Variants in TYW1B observed in about 807,000 individuals in gnomAD.
TYW1B encodes the protein tRNA-yW synthesizing protein 1 homolog B.
In TYW1B, 73 loss-of-function variants were observed where a neutral mutation model predicts 86.9. The observed-to-expected ratio is 0.84, with a 90% CI of 0.70 to 1.02. The LOEUF is 1.02. Among genes scored for constraint, TYW1B ranks in the 50% least tolerant of loss-of-function variants. The probability of loss-of-function intolerance (pLI) is 0.00; values close to 1 mark genes in which losing one functional copy is unlikely to be tolerated. For synonymous variants in TYW1B, 248 were observed against 292.8 expected, an observed-to-expected ratio of 0.85 and a Z score of 1.56; for missense variants, 637 against 827.4, an observed-to-expected ratio of 0.77 and a Z score of 2.82.
At chr7:72,619,913 A>G (rs1812174441) in intron 12 of TYW1B, among the ~76,000 whole-genome samples, 1 of 152,194 alleles carries the variant, frequency 6.6e-6, no homozygotes, top group Admixed American at 6.5e-5. Context: ...TCGTGAGAAC[A>G]GCTTTTGAAA....
At chr7:72,609,985 A>T (rs1386631456) in intron 13 of TYW1B, among the ~76,000 whole-genome samples, 1 of 152,160 alleles carries the variant, frequency 6.6e-6, no homozygotes, top group Non-Finnish European at 1.5e-5. Context: ...GGTATCTTGA[A>T]TTTTAAAGAG....
intron 8 of TYW1B, among the ~76,000 whole-genome samples, chr7:72,730,955 G>T (rs1227315512): frequency 7.0e-6 from 1 of 142,380 alleles, no homozygotes; most frequent in Non-Finnish European, 1.5e-5. Flanking sequence ...AAGCCTCCTT[G>T]AGACACATTA....
chr7:72,723,114 C>G (rs2844092), intron 9 of TYW1B: 42 of 853,856 alleles, frequency 4.9e-5, no homozygotes, highest in East Asian at 2.6e-4. Context: ...CCTCTTGCCC[C>G]CTACCCCCAG....
intron 11 of TYW1B, among the ~76,000 whole-genome samples, chr7:72,680,433 A>G (rs1335140011): frequency 6.6e-6 from 1 of 152,082 alleles, no homozygotes; most frequent in Non-Finnish European, 1.5e-5. Flanking sequence ...TCGAACATCA[A>G]ACTCCAAGAT....
intron 13 of TYW1B, 46 bp from the exon 14 acceptor site, chr7:72,575,765 G>T (rs1427145886): frequency 7.7e-7 from 1 of 1,300,808 alleles, no homozygotes; most frequent in Non-Finnish European, 1.0e-6. Flanking sequence ...AACATCCCTA[G>T]AAAAAAAAAA....
intron 11 of TYW1B, among the ~76,000 whole-genome samples, chr7:72,664,233 T>C (rs1470521598): frequency 6.6e-6 from 1 of 152,190 alleles, no homozygotes; most frequent in Admixed American, 6.6e-5. Context: ...AATCTCCGAT[T>C]TGTCAAATAT....
intron 11 of TYW1B, among the ~76,000 whole-genome samples, chr7:72,658,824 G>A (rs1434319385): frequency 2.0e-5 from 3 of 152,072 alleles, no homozygotes; most frequent in African/African-American, 4.8e-5. Flanking sequence ...GTGTTCAAGC[G>A]ATTCTCCTGT....
intron 7 of TYW1B, among the ~76,000 whole-genome samples, chr7:72,762,991 A>C (rs1787710222): frequency 6.6e-6 from 1 of 151,836 alleles, no homozygotes; most frequent in Non-Finnish European, 1.5e-5. Flanking sequence ...ACATTTCTCT[A>C]TAATATAGTA....
intron 13 of TYW1B, among the ~76,000 whole-genome samples, chr7:72,579,198 A>C (rs1811092729): frequency 1.3e-5 from 2 of 152,172 alleles, no homozygotes; most frequent in Admixed American, 1.3e-4. Flanking sequence ...GCTGCAACTC[A>C]CAAAACCAAC....
chr7:72,719,104 G>A (rs1786844388), intron 9 of TYW1B, among the ~76,000 whole-genome samples: 1 of 151,942 alleles, frequency 6.6e-6, no homozygotes, highest in African/African-American at 2.4e-5. Context: ...AAACATGCTA[G>A]CTGCAAATAT....
intron 10 of TYW1B, among the ~76,000 whole-genome samples, chr7:72,702,396 A>C (rs1460184773): frequency 6.6e-6 from 1 of 151,632 alleles, no homozygotes; most frequent in Non-Finnish European, 1.5e-5. Flanking sequence ...TTTCTTTTTT[A>C]TTTTCTTTTG....
chr7:72,779,534 T>C (rs1554471290), intron 6 of TYW1B, among the ~76,000 whole-genome samples: 2 of 151,928 alleles, frequency 1.3e-5, no homozygotes, highest in Non-Finnish European at 2.9e-5. Context: ...CTGGCTAACA[T>C]GGTGAAACCC....
At chr7:72,647,943 C>T (rs1361279765) in intron 11 of TYW1B, among the ~76,000 whole-genome samples, 2 of 152,114 alleles carry the variant, frequency 1.3e-5, no homozygotes, top group African/African-American at 4.8e-5. Flanking sequence ...ACCTCGGCCT[C>T]CCAAAATGCT....
chr7:72,607,779 A>T (rs1811839240), intron 13 of TYW1B, among the ~76,000 whole-genome samples: 1 of 152,154 alleles, frequency 6.6e-6, no homozygotes, highest in Non-Finnish European at 1.5e-5. Context: ...GATGAGGCTG[A>T]AAAAAGTATC....
rs1162531378 is a variant in TYW1B at position 72,575,010 on chromosome 7, G to A, written c.*488C>T. Reference sequence around the variant, plus strand: ...ACTTCGATTCTTTTCAGGAGGTGCTGTCTTAAGACAGAAGAAAGGGATCAA... The same window carrying A: ...ACTTCGATTCTTTTCAGGAGGTGCTATCTTAAGACAGAAGAAAGGGATCAA... On this transcript the variant is annotated 3_prime_UTR_variant, in exon 14 of 14. Transcript: ENST00000620995. 17 of 991,776 alleles carry A rather than the reference G, an allele frequency of 1.7e-5. No individual in the cohort carries two copies. Among genetic ancestry groups the A allele is most frequent in the Non-Finnish European group, 1.8e-5 (15 of 833,558 alleles). 61.4% of individuals were successfully genotyped at this position (991,776 alleles called of 1,614,324 possible). A position where few individuals can be genotyped will look rare whatever the true frequency, so the allele number is the denominator to read the frequency against.
intron 13 of TYW1B, among the ~76,000 whole-genome samples, chr7:72,609,846 G>A (rs1457383815): frequency 2.6e-5 from 4 of 152,022 alleles, no homozygotes; most frequent in African/African-American, 4.8e-5. Flanking sequence ...GAAAAGACGT[G>A]CCAGAAAACA....
At chr7:72,826,798 A>T in intron 2 of TYW1B, 57 bp downstream of exon 2, 6 of 1,578,278 alleles carry the variant, frequency 3.8e-6, no homozygotes, top group Non-Finnish European at 4.3e-6. Context: ...TTAGTGTTTA[A>T]ATCCTCTATA....
At chr7:72,638,267 C>T (rs1812720110) in intron 11 of TYW1B, among the ~76,000 whole-genome samples, 1 of 151,822 alleles carries the variant, frequency 6.6e-6, no homozygotes, top group Non-Finnish European at 1.5e-5. Flanking sequence ...CACAGTTCTC[C>T]ACTAAAATAC....
chr7:72,663,161 T>A (rs1286659455), intron 11 of TYW1B, among the ~76,000 whole-genome samples: 2 of 139,138 alleles, frequency 1.4e-5, no homozygotes, highest in African/African-American at 5.3e-5. Flanking sequence ...TGGGGTAAAA[T>A]GCCACTGGTC....
Sources: gnomAD v4.1 joint callset for allele counts (sites outside exome capture counted in the v4.1 genomes callset) on GRCh38, gnomAD v4.1.1 for gene constraint, MANE v1.5 for transcripts, NCBI Gene and HGNC (gene_info 2026-07-23, HGNC 2026-07-21) for gene names.